The following BRK1 variants were observed in gnomAD, a reference collection of about 807,000 sequenced individuals.
BRK1 encodes the protein BRICK1 subunit of SCAR/WAVE actin nucleating complex.
Under a neutral mutation model 9.9 loss-of-function variants are expected in BRK1, and 6 were observed. The observed-to-expected ratio is 0.60, with a 90% confidence interval of 0.33 to 1.19. The LOEUF is 1.19. BRK1 is among the 50% of genes most tolerant of loss of function. The pLI is 0.04. For synonymous variants in BRK1, 44 were observed against 31.9 expected (o/e 1.38, Z -1.28); for missense variants, 62 against 97.5 (o/e 0.64, Z 1.53).
At chr3:10,124,721 C>T (rs560118025) in intron 1 of BRK1, among the ~76,000 whole-genome samples, 21 of 151,872 alleles carry the variant, frequency 1.4e-4, no homozygotes, top group Non-Finnish European at 4.4e-5. Flanking sequence ...TCTAGTTCCT[C>T]GAATATTGGG....
intron 1 of BRK1, among the ~76,000 whole-genome samples, chr3:10,117,089 A>G (rs1243845765): frequency 6.6e-6 from 1 of 152,156 alleles, no homozygotes; most frequent in East Asian, 1.9e-4. Flanking sequence ...CAAAACAACG[A>G]CAACAAAAAA....
chr3:10,118,087 C>G (rs1695710363), intron 1 of BRK1, among the ~76,000 whole-genome samples: 1 of 151,964 alleles, frequency 6.6e-6, no homozygotes, highest in Non-Finnish European at 1.5e-5. Context: ...AACCCTGTCT[C>G]TACTAAAAAT....
Position 10,126,325 on chromosome 3 carries a change from C to G in BRK1, c.*30C>G. 6.4e-7 allele frequency: 1 copy of G among 1,567,440 alleles called. No individual in the cohort carries two copies. The highest frequency in any genetic ancestry group is 1.4e-5 in the African/African-American group (1 of 73,686). On this transcript the variant is annotated 3_prime_UTR_variant, in exon 3 of 3. Transcript: ENST00000530758. The stretch of plus-strand genomic sequence containing the variant: ...GTGCCGTGCTGCTGCTGGGAAGTTG[C>G]TTTACACAACACAGGCCACATGGGA...
intron 1 of BRK1, among the ~76,000 whole-genome samples, chr3:10,121,254 T>A (rs1445429162): frequency 6.6e-6 from 1 of 152,136 alleles, no homozygotes; most frequent in Non-Finnish European, 1.5e-5. Context: ...AAAAGTAGAT[T>A]ATAATTATTG....
chr3:10,120,205 T>C (rs994207904), intron 1 of BRK1, among the ~76,000 whole-genome samples: 1 of 151,866 alleles, frequency 6.6e-6, no homozygotes, highest in African/African-American at 2.4e-5. Flanking sequence ...AATTCTTTTT[T>C]TTTTTTTAAG....
rs1033870873 is a variant in BRK1, at chr3:10,126,590, C to G, written c.*295C>G. On this transcript the variant is annotated 3_prime_UTR_variant, in exon 3 of 3. Transcript: ENST00000530758. The stretch of plus-strand genomic sequence containing the variant: ...CATTCACAGCCAAAAGCCTGGGACT[C>G]TTTGTGAAGGTCCTCCTCACCTCTA... The G allele has an allele frequency of 1.1e-5, 4 of 349,772 alleles. No individual in the cohort carries two copies. In the Admixed American group the frequency reaches 1.8e-4, roughly 16 times the overall value. The allele number at this position is 349,772 out of a possible 1,614,324, so 21.7% of individuals were successfully genotyped here. A position where few individuals can be genotyped will look rare whatever the true frequency, so the allele number is the denominator to read the frequency against.
At chr3:10,117,198 G>A (rs1695696770) in intron 1 of BRK1, among the ~76,000 whole-genome samples, 1 of 152,144 alleles carries the variant, frequency 6.6e-6, no homozygotes, top group African/African-American at 2.4e-5. Context: ...CCATGTTCAT[G>A]CCACTGCACT....
rs1695843692 is a variant in BRK1 at position 10,126,559 on chromosome 3, T to C, written c.*264T>C. The stretch of plus-strand genomic sequence containing the variant: ...TTTATACATCTACTTGTCAATGTAT[T>C]TGAGACATTCACAGCCAAAAGCCTG... On this transcript the variant is annotated 3_prime_UTR_variant, in exon 3 of 3. Transcript: ENST00000530758. 7.4e-6 allele frequency: 3 copies of C among 407,284 alleles called. No homozygotes were observed. The highest frequency in any genetic ancestry group is 8.4e-5 in the South Asian group (2 of 23,818). The allele number at this position is 407,284 out of a possible 1,614,324, so 25.2% of individuals were successfully genotyped here. A position where few individuals can be genotyped will look rare whatever the true frequency, so the allele number is the denominator to read the frequency against.
intron 1 of BRK1, among the ~76,000 whole-genome samples, chr3:10,121,115 A>G (rs1274949497): frequency 2.6e-5 from 4 of 152,186 alleles, no homozygotes; most frequent in African/African-American, 7.2e-5. Context: ...AAAAAGAATG[A>G]AGAATGTCCA....
At chr3:10,118,649 G>T (rs935812280) in intron 1 of BRK1, among the ~76,000 whole-genome samples, 3 of 151,942 alleles carry the variant, frequency 2.0e-5, no homozygotes. Context: ...CACCATGCCC[G>T]GCTAATATTT....
intron 1 of BRK1, among the ~76,000 whole-genome samples, chr3:10,119,698 TATC>T (rs1367205224): frequency 2.0e-5 from 3 of 152,148 alleles, no homozygotes; most frequent in African/African-American, 7.2e-5. Flanking sequence ...GTAGCAAAAA[TATC>T]ATAACACTAG....
rs12714851 is a variant in BRK1 at position 10,123,617 on chromosome 3, A to G, written c.119-2009A>G. On this transcript the variant is annotated intron_variant, in intron 1 of 2. Transcript: ENST00000530758. ...ACCCGGCTAATTTTTTGTATTTTTA[A>G]TAGAGACGGGGTTTCATTGTGTTAG... Among the ~76,000 whole-genome samples the G allele has an allele frequency of 1, 143,585 of 143,656 alleles. 71,757 individuals are homozygous for G. The highest frequency in any genetic ancestry group is 1 in the Middle Eastern group (286 of 286). The allele number at this position is 143,656 out of a possible 152,430, so 94.2% of individuals were successfully genotyped here. A position where few individuals can be genotyped will look rare whatever the true frequency, so the allele number is the denominator to read the frequency against.
intron 1 of BRK1, among the ~76,000 whole-genome samples, chr3:10,124,871 C>A (rs1263531074): frequency 2.0e-5 from 3 of 152,160 alleles, no homozygotes; most frequent in Non-Finnish European, 2.9e-5. Flanking sequence ...ACTTTCAAAG[C>A]CAACAATGGC....
chr3:10,115,797 C>G lies in BRK1; in HGVS notation c.96C>G (p.Ile32Met). The change falls in exon 1 of 3, where the codon ATC becomes ATG. Residue 32 changes from isoleucine to methionine, a missense_variant. Transcript: ENST00000530758. Reference protein sequence around the residue: ...IEIITSSIKKIADFLNSFDMS... With the variant: ...IEIITSSIKKMADFLNSFDMS... ...TAATCACCAGCAGCATCAAGAAAAT[C>G]GCAGACTTTCTCAACTCGTTCGGTC... 1.9e-6 allele frequency: 3 copies of G among 1,613,492 alleles called. No individual in the cohort carries two copies. The highest frequency in any genetic ancestry group is 2.5e-6 in the Non-Finnish European group (3 of 1,179,572).
rs141720735 is a variant in BRK1 at position 10,119,278 on chromosome 3, G to A, written c.118+3459G>A. 1.7e-3 allele frequency among the ~76,000 whole-genome samples: 252 copies of A among 152,068 alleles called. 4 individuals are homozygous for A. In the East Asian group the frequency reaches 0.044, roughly 27 times the overall value. The stretch of plus-strand genomic sequence containing the variant: ...TTGAGACCAGCCTGGCCAATATGGC[G>A]AAACCCCATCTCTATAAAAAATACA... On this transcript the variant is annotated intron_variant, in intron 1 of 2. Coordinates refer to ENST00000530758, the MANE Select transcript of BRK1 (RefSeq NM_018462.5).
chr3:10,126,165 T>A, intron 2 of BRK1, 104 bp from the exon 3 acceptor site: 1 of 739,068 alleles, frequency 1.4e-6, no homozygotes, highest in East Asian at 3.0e-5. Context: ...CACAGCTATC[T>A]TCTTTTCTGC....
At chr3:10,125,191 C>A (rs553595897) in intron 1 of BRK1, among the ~76,000 whole-genome samples, 11 of 106,954 alleles carry the variant, frequency 1.0e-4, no homozygotes, top group African/African-American at 5.3e-4. Flanking sequence ...CAACCTTTGC[C>A]CCCCCCGGTT....
rs113502533 is a variant in BRK1, at chr3:10,125,189, G to GC, written c.119-429dup. On this transcript the variant is annotated intron_variant, in intron 1 of 2. Transcript: ENST00000530758. Reference sequence around the variant, plus strand: ...GAGATCTTGGCTCACTGCAACCTTTGCCCCCCCCGGTTCAAGTGATTTTCC... The same window carrying GC: ...GAGATCTTGGCTCACTGCAACCTTTGCCCCCCCCCGGTTCAAGTGATTTTCC... 6.1e-3 allele frequency among the ~76,000 whole-genome samples: 917 copies of GC among 150,976 alleles called. 4 individuals are homozygous for GC. Among genetic ancestry groups the GC allele is most frequent in the Non-Finnish European group, 8.5e-3 (573 of 67,698 alleles).
intron 1 of BRK1, 52 bp from the exon 2 acceptor site, chr3:10,125,574 G>C (rs1198049381): frequency 2.7e-6 from 3 of 1,092,930 alleles, no homozygotes; most frequent in Non-Finnish European, 2.8e-6. Context: ...GTGTGTGTCT[G>C]TGTCTGTGTT....
Sources: gnomAD v4.1 joint callset for allele counts (sites outside exome capture counted in the v4.1 genomes callset) on GRCh38, gnomAD v4.1.1 for gene constraint, MANE v1.5 for transcripts, NCBI Gene and HGNC (gene_info 2026-07-23, HGNC 2026-07-21) for gene names.